DPM1: variants seen among roughly 807,000 people sequenced by gnomAD.
The protein encoded by DPM1 is dolichol-phosphate mannosyltransferase subunit 1.
Under a neutral mutation model 39.0 loss-of-function variants are expected in DPM1, and 27 were observed. The observed-to-expected ratio is 0.69, with a 90% confidence interval of 0.51 to 0.95. The LOEUF (loss-of-function observed/expected upper bound fraction) is 0.95. Ranked by LOEUF, DPM1 falls within the 40% of genes least tolerant of loss-of-function variation. The probability of loss-of-function intolerance (pLI) is 0.00; values close to 1 mark genes in which losing one functional copy is unlikely to be tolerated. For synonymous variants in DPM1, 124 were observed against 109.0 expected (o/e 1.14, Z -0.86); for missense variants, 307 against 315.6 (o/e 0.97, Z 0.21).
chr20:50,958,512 C>A lies in DPM1; in HGVS notation c.12G>T (p.Leu4Phe), dbSNP rs1986969055. ...ACCTGCGAGGACTACGACTGACTTC[C>A]AAGGAGGCCATGGCGGAACTGAGCC... MAS[L>F]EVSRSPRRSR... The change falls in exon 1 of 9, where the codon TTG (leucine) becomes TTT (phenylalanine). Residue 4 changes from leucine to phenylalanine, a missense_variant. Transcript: ENST00000371588. 8.7e-6 allele frequency: 14 copies of A among 1,613,690 alleles called. No homozygotes were observed. Among genetic ancestry groups the A allele is most frequent in the Non-Finnish European group, 1.2e-5 (14 of 1,179,984 alleles).
rs532216692 is a variant in DPM1 at position 50,937,383 on chromosome 20, A to G, written c.564-1121T>C. On this transcript the variant is annotated intron_variant, in intron 7 of 8. Transcript: ENST00000371588. ...GAATCAATTTGGAATAAATATGGAGAGAGGAGAATCTGATGGTAGCAATAT... is the reference window on the plus strand; with the variant it reads ...GAATCAATTTGGAATAAATATGGAGGGAGGAGAATCTGATGGTAGCAATAT... Among the ~76,000 whole-genome samples, 6 of 152,260 alleles carry G rather than the reference A, an allele frequency of 3.9e-5. No individual in the cohort carries two copies. In the South Asian group the frequency reaches 1.0e-3, roughly 26 times the overall value.
chr20:50,935,893 G>A (rs553625543), intron 8 of DPM1, among the ~76,000 whole-genome samples: 24 of 152,308 alleles, frequency 1.6e-4, no homozygotes, highest in Non-Finnish European at 3.1e-4. Flanking sequence ...TGATTAGTTA[G>A]AAGAAAGGGC....
rs776145598 is a variant in DPM1, at chr20:50,958,504, C to A, written c.20G>T (p.Ser7Ile). The change falls in exon 1 of 9, where the codon AGT (serine) becomes ATT (isoleucine). Residue 7 changes from serine to isoleucine, a missense_variant. Coordinates refer to ENST00000371588, the MANE Select transcript of DPM1 (RefSeq NM_003859.3). The part of the protein sequence containing the change: MASLEV[S>I]RSPRRSRREL... The stretch of plus-strand genomic sequence containing the variant: ...CCGCCGAGACCTGCGAGGACTACGA[C>A]TGACTTCCAAGGAGGCCATGGCGGA... The A allele has an allele frequency of 1.2e-6, 2 of 1,613,792 alleles. No individual in the cohort carries two copies. Among genetic ancestry groups the A allele is most frequent in the Non-Finnish European group, 1.7e-6 (2 of 1,180,004 alleles).
Position 50,935,046 on chromosome 20 carries a change from T to G in DPM1, c.*86A>C. ...TTACCTTACCTTATATTTTATACTTTAAGAGTACATTTTATACAAATCAGT... is the reference window on the plus strand; with the variant it reads ...TTACCTTACCTTATATTTTATACTTGAAGAGTACATTTTATACAAATCAGT... On this transcript the variant is annotated 3_prime_UTR_variant, in exon 9 of 9. Coordinates refer to ENST00000371588, the MANE Select transcript of DPM1 (RefSeq NM_003859.3). 2 of 790,952 alleles carry G rather than the reference T, an allele frequency of 2.5e-6. No homozygotes were observed. The highest frequency in any genetic ancestry group is 4.4e-6 in the Non-Finnish European group (2 of 458,398). The allele number at this position is 790,952 out of a possible 1,614,324, so 49.0% of individuals were successfully genotyped here. A position where few individuals can be genotyped will look rare whatever the true frequency, so the allele number is the denominator to read the frequency against.
intron 7 of DPM1, among the ~76,000 whole-genome samples, chr20:50,937,327 T>G (rs1406559905): frequency 6.6e-6 from 1 of 152,180 alleles, no homozygotes; most frequent in African/African-American, 2.4e-5. Context: ...GTGCAATCCT[T>G]TATCCACATA....
intron 3 of DPM1, among the ~76,000 whole-genome samples, 156 bp downstream of exon 3, chr20:50,948,473 C>T (rs539613004): frequency 2.0e-5 from 3 of 152,244 alleles, no homozygotes; most frequent in Non-Finnish European, 2.9e-5. Flanking sequence ...CTTATACAGG[C>T]GACCCAAGTT....
In DPM1 at chr20:50,945,866, T is replaced by A. The variant is rs1311247889; in HGVS notation, c.353A>T (p.Asp118Val). The change falls in exon 4 of 9, where the codon GAT becomes GTT. Residue 118 changes from aspartate to valine, a missense_variant. Physicochemically the swap from Asp to Val is radical, Grantham distance 152 (BLOSUM62 -3). This residue lies in a region of DPM1 where 206 missense variants were observed against 188.2 expected (regional missense o/e 1.09). Coordinates refer to ENST00000371588, the MANE Select transcript of DPM1 (RefSeq NM_003859.3). Reference protein sequence around the residue: ...HATGNYIIIMDADLSHHPKFI... With the variant: ...HATGNYIIIMVADLSHHPKFI... ...ACTTACATGGTGTGAGAGATCAGCA[T>A]CCATAATAATGATGTAGTTTCCTGT... 6.2e-7 allele frequency: 1 copy of A among 1,613,580 alleles called. No individual in the cohort carries two copies. The highest frequency in any genetic ancestry group is 8.5e-7 in the Non-Finnish European group (1 of 1,179,758).
In DPM1 at chr20:50,935,135, T is replaced by C; in HGVS notation, c.780A>G (p.Thr260=). The change falls in exon 9 of 9, where the codon ACA becomes ACG. Residue 260 remains threonine, a synonymous_variant. Coordinates refer to ENST00000371588, the MANE Select transcript of DPM1 (RefSeq NM_003859.3). The part of the protein sequence containing the change: ...LKGLLTLFAT[T] ...ACTATAAATGAGTATCTTTCTTTTA[T>C]GTAGTAGCAAAAAGAGTCAATAATC... 1 of 1,526,222 alleles carries C rather than the reference T, an allele frequency of 6.6e-7. No individual in the cohort carries two copies. Among genetic ancestry groups the C allele is most frequent in the Non-Finnish European group, 9.1e-7 (1 of 1,101,422 alleles). 94.5% of individuals were successfully genotyped at this position (1,526,222 alleles called of 1,614,324 possible).
intron 6 of DPM1, chr20:50,941,287 T>C (rs2123091524): frequency 6.4e-6 from 1 of 156,230 alleles, no homozygotes; most frequent in East Asian, 1.4e-4. Context: ...TCATATAATA[T>C]ATATACACAT....
chr20:50,936,414 AC>A (rs1985161618), intron 7 of DPM1, 152 bp from the exon 8 acceptor site: 1 of 580,562 alleles, frequency 1.7e-6, no homozygotes, highest in African/African-American at 1.9e-5. Flanking sequence ...TGATTATGAT[AC>A]ATTTGTCCTA....
At chr20:50,939,000 T>G (rs1159483482) in intron 7 of DPM1, among the ~76,000 whole-genome samples, 1 of 151,730 alleles carries the variant, frequency 6.6e-6, no homozygotes. Context: ...GAAAAAAAAA[T>G]TGTGCAATTA....
intron 7 of DPM1, among the ~76,000 whole-genome samples, chr20:50,940,092 G>A (rs1601027176): frequency 7.1e-5 from 5 of 70,572 alleles, no homozygotes; most frequent in Admixed American, 6.1e-4. Flanking sequence ...TAATTTGTGT[G>A]TGTGTGTGTG....
At chr20:50,936,507 A>G (rs1163700686) in intron 7 of DPM1, among the ~76,000 whole-genome samples, 2 of 152,154 alleles carry the variant, frequency 1.3e-5, no homozygotes, top group Non-Finnish European at 2.9e-5. Flanking sequence ...TTATAGAATT[A>G]TTTTCCCACC....
chr20:50,949,579 G>A (rs867722408), intron 2 of DPM1, among the ~76,000 whole-genome samples: 1 of 152,078 alleles, frequency 6.6e-6, no homozygotes, highest in Non-Finnish European at 1.5e-5. Context: ...CCTTTTGGCT[G>A]GACACTTTAA....
intron 7 of DPM1, among the ~76,000 whole-genome samples, chr20:50,938,501 C>A (rs1985410235): frequency 6.6e-6 from 1 of 151,204 alleles, no homozygotes; most frequent in Admixed American, 6.6e-5. Flanking sequence ...TCCTGCCTCA[C>A]CCTCCCGAGT....
intron 7 of DPM1, among the ~76,000 whole-genome samples, chr20:50,938,032 G>A (rs1985364216): frequency 6.6e-6 from 1 of 152,062 alleles, no homozygotes; most frequent in African/African-American, 2.4e-5. Context: ...CTCTTTAAGA[G>A]TTGCTTTATT....
At chr20:50,943,505 G>A (rs561033608) in intron 5 of DPM1, among the ~76,000 whole-genome samples, 2 of 151,434 alleles carry the variant, frequency 1.3e-5, no homozygotes, top group South Asian at 4.2e-4. Flanking sequence ...GACTACAGGC[G>A]AGTGCCATCA....
rs1490783514 is a variant in DPM1 at position 50,945,772 on chromosome 20, G to GA, written c.373-11dup. ...CAGGAATAAATTTTGGCTGAAATTTGAAAAGAATAAACAGTAAGTCAGTAA... is the reference window on the plus strand; with the variant it reads ...CAGGAATAAATTTTGGCTGAAATTTGAAAAAGAATAAACAGTAAGTCAGTAA... On this transcript the variant is annotated splice_polypyrimidine_tract_variant and intron_variant, in intron 4 of 8. Transcript: ENST00000371588. 1 of 1,604,820 alleles carries GA rather than the reference G, an allele frequency of 6.2e-7. No homozygotes were observed. Among genetic ancestry groups the GA allele is most frequent in the South Asian group, 1.1e-5 (1 of 90,868 alleles).
At position 50,943,714 on chromosome 20, in the gene DPM1, T is replaced by G. The variant is rs150361919; in HGVS notation, c.399-1588A>C. ...TTAGACTCCCCAAAATGGAATATAC[T>G]GGAATTGCCCAAATGAAGCCTGAGT... On this transcript the variant is annotated intron_variant, in intron 5 of 8. Coordinates refer to ENST00000371588, the MANE Select transcript of DPM1 (RefSeq NM_003859.3). 1.7e-4 allele frequency among the ~76,000 whole-genome samples: 25 copies of G among 149,406 alleles called. 1 individual carries two copies. In the Middle Eastern group the frequency reaches 0.01, roughly 63 times the overall value.
Sources: allele counts gnomAD v4.1 joint callset (sites outside exome capture counted in the v4.1 genomes callset), GRCh38; gene constraint gnomAD v4.1.1; regional missense constraint gnomAD v4.1.1; transcripts MANE v1.5; gene names NCBI Gene and HGNC (gene_info 2026-07-23, HGNC 2026-07-21).